FRMD3: variants seen among roughly 807,000 people sequenced by gnomAD.
The protein encoded by FRMD3 is FERM domain containing 3.
Under a neutral mutation model 70.2 loss-of-function variants are expected in FRMD3, and 33 were observed. That is an observed-to-expected ratio of 0.47 (90% CI 0.36 to 0.63). FRMD3 has a LOEUF of 0.63. Among genes scored for constraint, FRMD3 ranks in the 20% least tolerant of loss-of-function variants. FRMD3 has a pLI of 0.00. For synonymous variants in FRMD3, 279 were observed against 255.9 expected (o/e 1.09, Z -0.86); for missense variants, 632 against 711.4 (o/e 0.89, Z 1.27).
chr9:83,512,375 G>A (rs75761566), intron 1 of FRMD3, among the ~76,000 whole-genome samples: 8,130 of 152,188 alleles, frequency 0.053, 318 homozygotes, highest in East Asian at 0.21. Flanking sequence ...GCACACAAGG[G>A]GTGAACAAGT....
the FRMD3 span, among the ~76,000 whole-genome samples, chr9:83,563,158 C>A: frequency 1.3e-5 from 2 of 152,132 alleles, no homozygotes; most frequent in African/African-American, 4.8e-5. Context: ...GAATTAAGCA[C>A]CTTCCCAGTT....
At position 83,299,104 on chromosome 9, in the gene FRMD3, G is replaced by A. The variant is rs1347834011; in HGVS notation, c.1001+8C>T. 1 of 1,588,146 alleles carries A rather than the reference G, an allele frequency of 6.3e-7. No individual in the cohort carries two copies. Among genetic ancestry groups the A allele is most frequent in the African/African-American group, 1.3e-5 (1 of 74,470 alleles). On this transcript the variant is annotated splice_region_variant and intron_variant, in intron 11 of 13. Transcript: ENST00000304195. ...CCCCCTCACTGAAATGGAACCATTG[G>A]TACCCACCTATATCGAAATCTACTT...
chr9:83,453,645 T>C (rs1406090786), intron 1 of FRMD3, among the ~76,000 whole-genome samples: 3 of 152,144 alleles, frequency 2.0e-5, no homozygotes, highest in East Asian at 1.9e-4. Context: ...TGGTTATGTA[T>C]TAAAATGAAA....
At chr9:83,284,000 G>C (rs1301774059) in intron 13 of FRMD3, among the ~76,000 whole-genome samples, 1 of 151,360 alleles carries the variant, frequency 6.6e-6, no homozygotes, top group African/African-American at 2.4e-5. Flanking sequence ...AAAATGCATA[G>C]GGAAGAAATT....
intron 1 of FRMD3, among the ~76,000 whole-genome samples, chr9:83,392,650 A>G (rs991992893): frequency 3.3e-5 from 5 of 152,100 alleles, no homozygotes; most frequent in Non-Finnish European, 7.4e-5. Flanking sequence ...CTTTTTTCTC[A>G]TGGAAAACAT....
intron 3 of FRMD3, among the ~76,000 whole-genome samples, chr9:83,352,725 A>G (rs1824201697): frequency 6.6e-6 from 1 of 152,134 alleles, no homozygotes; most frequent in South Asian, 2.1e-4. Context: ...CCCTAAGTAG[A>G]TTCTTGTCTG....
In FRMD3 at chr9:83,247,509, A is replaced by T; in HGVS notation, c.*409T>A. ...GCATTGGTTAGAGGACACTGTTTTC[A>T]CTAAGGATTATATTCAACAACTTTC... is the stretch of plus-strand genomic sequence containing the variant. On this transcript the variant is annotated 3_prime_UTR_variant, in exon 14 of 14. Coordinates refer to ENST00000304195, the MANE Select transcript of FRMD3 (RefSeq NM_174938.6). 1.0e-6 allele frequency: 1 copy of T among 988,312 alleles called. No homozygotes were observed. Among genetic ancestry groups the T allele is most frequent in the Non-Finnish European group, 1.2e-6 (1 of 831,094 alleles). The allele number at this position is 988,312 out of a possible 1,614,324, so 61.2% of individuals were successfully genotyped here.
rs149541255 is a variant in FRMD3, at chr9:83,272,530, C to A, written c.1195+18073G>T. Among the ~76,000 whole-genome samples the A allele has an allele frequency of 1.2e-4, 18 of 152,308 alleles. No individual in the cohort carries two copies. The East Asian group carries it at 1.9e-3, about 16-fold the overall frequency. ...TGCAGCTTCTGCCCGGCCGCCACCC[C>A]CTCTGGGAAGTGAGGAGCATCTCTG... On this transcript the variant is annotated intron_variant, in intron 13 of 13. Transcript: ENST00000304195.
intron 1 of FRMD3, among the ~76,000 whole-genome samples, chr9:83,474,341 C>G (rs1454578176): frequency 6.6e-6 from 1 of 152,176 alleles, no homozygotes; most frequent in African/African-American, 2.4e-5. Flanking sequence ...TAACCCTGTT[C>G]CCTGCTAAAT....
the FRMD3 span, among the ~76,000 whole-genome samples, chr9:83,545,354 TTG>T: frequency 3.8e-3 from 490 of 128,470 alleles, 8 homozygotes; most frequent in African/African-American, 0.013. Context: ...TTGTTTTTTT[TTG>T]TTTTTTTTTT....
At chr9:83,371,751 T>C (rs960333319) in intron 3 of FRMD3, among the ~76,000 whole-genome samples, 2 of 152,116 alleles carry the variant, frequency 1.3e-5, no homozygotes, top group East Asian at 3.9e-4. Flanking sequence ...GCTGCACTTG[T>C]GCAATCTGAA....
chr9:83,418,111 A>T (rs911553351), intron 1 of FRMD3, among the ~76,000 whole-genome samples: 2 of 136,588 alleles, frequency 1.5e-5, no homozygotes, highest in African/African-American at 5.4e-5. Context: ...GGGGAGAGAC[A>T]CTGGGGTGGG....
chr9:83,297,918 C>T (rs1049480219), intron 12 of FRMD3: 3 of 455,274 alleles, frequency 6.6e-6, no homozygotes, highest in Middle Eastern at 6.6e-4. Context: ...TTCTGTGGGA[C>T]CACAGCCTCC....
intron 13 of FRMD3, chr9:83,267,408 C>T (rs13296597): frequency 0.045 from 36,510 of 813,842 alleles, 914 homozygotes; most frequent in Middle Eastern, 0.087. Context: ...CTAAACCTTC[C>T]GGACCAAAAC....
At chr9:83,413,647 G>C (rs2131343643) in intron 1 of FRMD3, among the ~76,000 whole-genome samples, 1 of 152,242 alleles carries the variant, frequency 6.6e-6, no homozygotes, top group South Asian at 2.1e-4. Context: ...GTATTTAACA[G>C]AACCATGCTG....
chr9:83,548,985 A>G, the FRMD3 span, among the ~76,000 whole-genome samples: 82 of 135,728 alleles, frequency 6.0e-4, no homozygotes, highest in African/African-American at 2.1e-3. Flanking sequence ...GCTTGAGGGT[A>G]CATGTGAAAG....
At chr9:83,470,234 C>T (rs538043599) in intron 1 of FRMD3, among the ~76,000 whole-genome samples, 12 of 152,150 alleles carry the variant, frequency 7.9e-5, no homozygotes, top group Non-Finnish European at 1.5e-4. Context: ...TTAGAAAAGC[C>T]CAGAGAAGGT....
rs372012742 is a variant in FRMD3 at position 83,534,477 on chromosome 9, T to G, written c.147+3608A>C. Among the ~76,000 whole-genome samples the G allele has an allele frequency of 1.2e-4, 18 of 152,316 alleles. 1 individual carries two copies. The South Asian group carries it at 3.1e-3, about 26-fold the overall frequency. ...TTCCTATCCTCTATGCAGTGGCAAA[T>G]GCAAAGATCCTAGGGGGTGGGGAGG... On this transcript the variant is annotated intron_variant, in intron 1 of 13. Transcript: ENST00000304195.
chr9:83,568,947 G>GATACATAC, the FRMD3 span, among the ~76,000 whole-genome samples: 1,341 of 103,046 alleles, frequency 0.013, 8 homozygotes, highest in Non-Finnish European at 0.017. Flanking sequence ...TAGATAGATA[G>GATACATAC]ATAGATAGAT....
Sources: allele counts gnomAD v4.1 joint callset (sites outside exome capture counted in the v4.1 genomes callset), GRCh38; gene constraint gnomAD v4.1.1; transcripts MANE v1.5; gene names NCBI Gene and HGNC (gene_info 2026-07-23, HGNC 2026-07-21).